The following NEK6 variants were observed in gnomAD, a reference collection of about 807,000 sequenced individuals.
NEK6 encodes NIMA related kinase 6.
A neutral mutation model predicts 43.5 loss-of-function variants in NEK6; 27 were observed. The ratio of observed to expected loss-of-function variants is 0.62; its 90% CI spans 0.46 to 0.86. The LOEUF (loss-of-function observed/expected upper bound fraction) is 0.86. Among genes scored for constraint, NEK6 ranks in the 40% least tolerant of loss-of-function variants. The pLI is 0.00. For synonymous variants in NEK6, 167 were observed against 164.1 expected, an observed-to-expected ratio of 1.02 and a Z score of -0.14; for missense variants, 318 against 414.4, an observed-to-expected ratio of 0.77 and a Z score of 2.02.
chr9:124,331,274 C>CAAAA (rs56150651), intron 7 of NEK6, among the ~76,000 whole-genome samples: 3 of 135,168 alleles, frequency 2.2e-5, no homozygotes, highest in African/African-American at 8.2e-5. Context: ...AAAAAAAAAA[C>CAAAA]AAAACATTTT....
At position 124,328,912 on chromosome 9, in the gene NEK6, G is replaced by C. The variant is rs79058442; in HGVS notation, c.622+1467G>C. Among the ~76,000 whole-genome samples the C allele has an allele frequency of 3.9e-4, 60 of 152,240 alleles. No individual in the cohort carries two copies. The East Asian group carries it at 5.0e-3, about 13-fold the overall frequency. ...AAGATGTGTAGGGACCCACCCCCCA[G>C]GGAGTATGGGACGTTCCACTCATGC... On this transcript the variant is annotated intron_variant, in intron 7 of 9. Transcript: ENST00000320246.
intron 1 of NEK6, among the ~76,000 whole-genome samples, chr9:124,283,984 G>A (rs573990455): frequency 7.4e-4 from 113 of 152,368 alleles, no homozygotes; most frequent in African/African-American, 2.6e-3. Flanking sequence ...TGTCCATTGA[G>A]TGAGCAAATA....
At chr9:124,346,584 C>CG (rs917407516) in intron 8 of NEK6, among the ~76,000 whole-genome samples, 18 of 152,238 alleles carry the variant, frequency 1.2e-4, no homozygotes, top group Middle Eastern at 6.8e-3. Flanking sequence ...CATTGGGCCT[C>CG]GGGGGGCGGT....
chr9:124,269,091 C>T (rs143589398), intron 1 of NEK6, among the ~76,000 whole-genome samples: 129 of 152,198 alleles, frequency 8.5e-4, no homozygotes, highest in African/African-American at 3.1e-3. Context: ...GAGCGCTTGC[C>T]GAGTGCTGTA....
chr9:124,262,393 GGAACTT>G lies in NEK6; in HGVS notation c.-30+4316_-30+4321del, dbSNP rs111976477. ...GTAATTTCCTGTGATGTTAACTTTG[GGAACTT>G]GAACTTGGAGTGGGAGCTAGCATTT... On this transcript the variant is annotated intron_variant, in intron 1 of 9. Coordinates refer to ENST00000320246, the MANE Select transcript of NEK6 (RefSeq NM_014397.6). 2.3e-3 allele frequency among the ~76,000 whole-genome samples: 350 copies of G among 152,352 alleles called. 1 individual carries two copies. The highest frequency in any genetic ancestry group is 8.2e-3 in the African/African-American group (341 of 41,578).
At position 124,343,694 on chromosome 9, in the gene NEK6, G is replaced by T. The variant is rs1829773508; in HGVS notation, c.718-4015G>T. ...CCACAGCCTGTGGTGTCTTCCAGGG[G>T]CACCAGCCTGAAGAGCTGTGACAAA... is the stretch of plus-strand genomic sequence containing the variant. On this transcript the variant is annotated intron_variant, in intron 8 of 9. Transcript: ENST00000320246. This position sits in a 1 kb window ranked among gnomAD's most constrained non-coding sequence, Gnocchi z 5.1. Among the ~76,000 whole-genome samples, 1 of 152,130 alleles carries T rather than the reference G, an allele frequency of 6.6e-6. No individual in the cohort carries two copies. Among genetic ancestry groups the T allele is most frequent in the African/African-American group, 2.4e-5 (1 of 41,430 alleles).
chr9:124,288,335 C>G (rs1184147724), intron 1 of NEK6, among the ~76,000 whole-genome samples: 1 of 152,194 alleles, frequency 6.6e-6, no homozygotes, highest in Non-Finnish European at 1.5e-5. Context: ...GGCGCGACCT[C>G]AATTCACTGC....
At position 124,281,746 on chromosome 9, in the gene NEK6, A is replaced by G. The variant is rs531059156; in HGVS notation, c.-29-20190A>G. Among the ~76,000 whole-genome samples, 16 of 152,134 alleles carry G rather than the reference A, an allele frequency of 1.1e-4. No individual in the cohort carries two copies. The South Asian group carries it at 3.3e-3, about 32-fold the overall frequency. The stretch of plus-strand genomic sequence containing the variant: ...ACTCCCGACCTCAGGTGATCTGCCT[A>G]CCTCGGCCTCCCAAAGTGCTGGGAT... On this transcript the variant is annotated intron_variant, in intron 1 of 9. Coordinates refer to ENST00000320246, the MANE Select transcript of NEK6 (RefSeq NM_014397.6).
intron 1 of NEK6, among the ~76,000 whole-genome samples, chr9:124,296,581 A>C (rs1295304084): frequency 6.6e-6 from 1 of 152,166 alleles, no homozygotes; most frequent in East Asian, 1.9e-4. Context: ...CAGGACACAC[A>C]CCGTTACCAC....
chr9:124,277,177 G>T (rs1447661450), intron 1 of NEK6, among the ~76,000 whole-genome samples: 1 of 152,198 alleles, frequency 6.6e-6, no homozygotes. Context: ...GGGTGTGGTG[G>T]CTCACACCTG....
At chr9:124,292,740 G>A (rs1832484540) in intron 1 of NEK6, 1 of 1,172,292 alleles carries the variant, frequency 8.5e-7, no homozygotes, top group Non-Finnish European at 1.2e-6. Context: ...GGCCTCAGGT[G>A]TTTCTGTACT....
intron 1 of NEK6, among the ~76,000 whole-genome samples, chr9:124,298,818 A>C (rs1021069733): frequency 6.6e-6 from 1 of 152,138 alleles, no homozygotes; most frequent in African/African-American, 2.4e-5. Context: ...TACCTCATGG[A>C]GTTGTTGACA....
At chr9:124,347,356 TAA>T (rs1829989413) in intron 8 of NEK6, among the ~76,000 whole-genome samples, 1 of 152,208 alleles carries the variant, frequency 6.6e-6, no homozygotes, top group Admixed American at 6.5e-5. Flanking sequence ...TTTATGGAAA[TAA>T]GACCATGCAC....
At chr9:124,298,911 C>T (rs75995387) in intron 1 of NEK6, among the ~76,000 whole-genome samples, 17 of 152,324 alleles carry the variant, frequency 1.1e-4, no homozygotes, top group East Asian at 3.9e-4. Flanking sequence ...CTCTTATTCC[C>T]GGTCCCCCTT....
intron 1 of NEK6, among the ~76,000 whole-genome samples, chr9:124,268,006 G>T (rs1344042152): frequency 6.6e-6 from 1 of 152,224 alleles, no homozygotes; most frequent in Non-Finnish European, 1.5e-5. Flanking sequence ...AGGAGAGATG[G>T]TTTGGAAGAT....
intron 1 of NEK6, 42 bp downstream of exon 1, chr9:124,258,127 G>A: frequency 2.0e-6 from 2 of 978,502 alleles, no homozygotes; most frequent in Non-Finnish European, 2.4e-6. Context: ...GGGGCCCCGC[G>A]GCCCGGAGAA....
intron 2 of NEK6, among the ~76,000 whole-genome samples, chr9:124,304,080 C>T (rs964532396): frequency 6.6e-6 from 1 of 152,224 alleles, no homozygotes; most frequent in Admixed American, 6.5e-5. Context: ...CAGCGGCTGT[C>T]GGGCAACGAT....
chr9:124,289,656 G>A (rs898405321), intron 1 of NEK6, among the ~76,000 whole-genome samples: 3 of 152,208 alleles, frequency 2.0e-5, no homozygotes, highest in African/African-American at 7.2e-5. Context: ...ATTCCAGACC[G>A]AAAAGATCTG....
chr9:124,283,903 G>A (rs1022606652), intron 1 of NEK6, among the ~76,000 whole-genome samples: 2 of 152,222 alleles, frequency 1.3e-5, no homozygotes, highest in Non-Finnish European at 1.5e-5. Flanking sequence ...TTTAAGGGAC[G>A]CCTGAGAGCC....
Sources: allele counts gnomAD v4.1 joint callset (sites outside exome capture counted in the v4.1 genomes callset), GRCh38; gene constraint gnomAD v4.1.1; non-coding constraint Gnocchi (gnomAD v3.1); transcripts MANE v1.5; gene names NCBI Gene and HGNC (gene_info 2026-07-23, HGNC 2026-07-21).